Variants in SYT14 observed in about 807,000 individuals in gnomAD.
The protein encoded by SYT14 is synaptotagmin 14, also known as synaptotagmin-14.
Under a neutral mutation model 74.2 loss-of-function variants are expected in SYT14, and 32 were observed. That is an observed-to-expected ratio of 0.43 (90% CI 0.33 to 0.58). The LOEUF (loss-of-function observed/expected upper bound fraction) is 0.58. Ranked by LOEUF, SYT14 falls within the 20% of genes least tolerant of loss-of-function variation. SYT14 has a pLI of 0.05. For missense variants in SYT14, 791 were observed against 981.8 expected (o/e 0.81, Z 2.60); for synonymous variants, 298 against 337.7 (o/e 0.88, Z 1.29).
At chr1:209,959,261 G>C (rs2079040391) in intron 2 of SYT14, among the ~76,000 whole-genome samples, 1 of 152,058 alleles carries the variant, frequency 6.6e-6, no homozygotes, top group African/African-American at 2.4e-5. Flanking sequence ...TCATGCCTCA[G>C]CCTCCTGAGT....
At chr1:210,144,057 C>T (rs1421260813) in intron 7 of SYT14, among the ~76,000 whole-genome samples, 1 of 152,148 alleles carries the variant, frequency 6.6e-6, no homozygotes, top group East Asian at 1.9e-4. Flanking sequence ...ATAAACTCAA[C>T]TGTCTTACTC....
chr1:210,095,202 G>A (rs1181372402), intron 6 of SYT14, among the ~76,000 whole-genome samples: 1 of 152,070 alleles, frequency 6.6e-6, no homozygotes, highest in Non-Finnish European at 1.5e-5. Flanking sequence ...TTGTTTTAAT[G>A]TTTCTGTCAT....
intron 7 of SYT14, among the ~76,000 whole-genome samples, chr1:210,139,271 T>C (rs1017399195): frequency 9.0e-5 from 12 of 133,056 alleles, no homozygotes; most frequent in Admixed American, 3.0e-4. Flanking sequence ...TTTTCTTTTT[T>C]TTTTTTTTTT....
At chr1:210,059,427 AATATATATATAT>A (rs374307953) in intron 5 of SYT14, among the ~76,000 whole-genome samples, 6 of 80,030 alleles carry the variant, frequency 7.5e-5, no homozygotes, top group Non-Finnish European at 1.3e-4. Flanking sequence ...GACAAGAAAG[AATATATATATAT>A]ATATATATAT....
intron 4 of SYT14, chr1:210,017,184 C>T (rs1445435209): frequency 2.1e-6 from 2 of 964,888 alleles, no homozygotes; most frequent in Non-Finnish European, 2.7e-6. Flanking sequence ...AATTTCTCAG[C>T]TTTCCTGTTC....
At chr1:210,139,732 T>C (rs2082876700) in intron 7 of SYT14, among the ~76,000 whole-genome samples, 1 of 152,198 alleles carries the variant, frequency 6.6e-6, no homozygotes, top group African/African-American at 2.4e-5. Context: ...AATCATACAA[T>C]ATGTGGCCTT....
At chr1:209,986,014 C>G (rs1160256731) in intron 2 of SYT14, among the ~76,000 whole-genome samples, 4 of 152,176 alleles carry the variant, frequency 2.6e-5, no homozygotes, top group South Asian at 2.1e-4. Context: ...GTTGGAAGGG[C>G]TGCCATGAAG....
chr1:210,004,081 C>T (rs2079948495), intron 2 of SYT14, among the ~76,000 whole-genome samples: 1 of 151,940 alleles, frequency 6.6e-6, no homozygotes, highest in South Asian at 2.1e-4. Context: ...AAACATTATA[C>T]TGCTGATTTC....
At chr1:209,993,355 G>T (rs541246614) in intron 2 of SYT14, among the ~76,000 whole-genome samples, 1 of 152,302 alleles carries the variant, frequency 6.6e-6, no homozygotes, top group Admixed American at 6.5e-5. Context: ...TAGCCTGAGT[G>T]CATTGTTTCA....
At position 209,947,155 on chromosome 1, in the gene SYT14, A is replaced by T. The variant is rs184389539; in HGVS notation, c.-533-5554A>T. ...AGCTCTGATGGAGACGTACAAGGAG[A>T]TGAAGGTTGTTTTCATGCCTGCTAA... On this transcript the variant is annotated intron_variant, in intron 1 of 9. Coordinates refer to ENST00000637265, the Ensembl canonical transcript of SYT14. 6.2e-3 allele frequency among the ~76,000 whole-genome samples: 951 copies of T among 152,326 alleles called. 4 individuals carry two copies. Among genetic ancestry groups the T allele is most frequent in the Non-Finnish European group, 0.011 (768 of 68,038 alleles).
chr1:209,993,874 C>T (rs2079738832), intron 2 of SYT14, among the ~76,000 whole-genome samples: 1 of 152,174 alleles, frequency 6.6e-6, no homozygotes, highest in Non-Finnish European at 1.5e-5. Context: ...TAAGTGCCAG[C>T]TACTGGATTG....
chr1:210,149,768 C>T (rs1425998374), intron 7 of SYT14, among the ~76,000 whole-genome samples: 3 of 152,152 alleles, frequency 2.0e-5, no homozygotes, highest in African/African-American at 7.2e-5. Flanking sequence ...ACCATCTTTT[C>T]ATCTTCCTTG....
chr1:209,975,684 G>C (rs2079348690), intron 2 of SYT14, among the ~76,000 whole-genome samples: 1 of 152,078 alleles, frequency 6.6e-6, no homozygotes, highest in African/African-American at 2.4e-5. Context: ...TTGTGTCTCT[G>C]CCAGGCTTTG....
At chr1:210,076,143 C>A (rs1042854315) in intron 5 of SYT14, among the ~76,000 whole-genome samples, 3 of 152,034 alleles carry the variant, frequency 2.0e-5, no homozygotes, top group African/African-American at 7.2e-5. Context: ...ATCTCAGAGA[C>A]AAGTAGGAGA....
At chr1:209,948,344 G>A (rs1465136004) in intron 1 of SYT14, among the ~76,000 whole-genome samples, 2 of 152,096 alleles carry the variant, frequency 1.3e-5, no homozygotes, top group Non-Finnish European at 2.9e-5. Flanking sequence ...AAACACACAT[G>A]CACACAATCA....
intron 2 of SYT14, among the ~76,000 whole-genome samples, chr1:209,971,518 G>A (rs2079256390): frequency 6.6e-6 from 1 of 152,106 alleles, no homozygotes; most frequent in Non-Finnish European, 1.5e-5. Flanking sequence ...TTGGCTATGG[G>A]TTTGTCATAG....
intron 2 of SYT14, among the ~76,000 whole-genome samples, chr1:209,966,365 A>G (rs1237898702): frequency 1.3e-5 from 2 of 152,206 alleles, no homozygotes; most frequent in African/African-American, 4.8e-5. Flanking sequence ...CAATTTCTAC[A>G]AAATAGCCTG....
At chr1:210,157,158 G>C (rs1439867055) in intron 8 of SYT14, among the ~76,000 whole-genome samples, 2 of 152,038 alleles carry the variant, frequency 1.3e-5, no homozygotes, top group African/African-American at 4.8e-5. Flanking sequence ...TTATAGGAGG[G>C]GGTCCAGGCG....
intron 7 of SYT14, among the ~76,000 whole-genome samples, chr1:210,112,428 G>T (rs1233698671): frequency 3.2e-4 from 48 of 151,464 alleles, no homozygotes; most frequent in Non-Finnish European, 1.5e-5. Flanking sequence ...AAGAGGTTAT[G>T]AAATAATGAC....
Sources: gnomAD v4.1 joint callset for allele counts (sites outside exome capture counted in the v4.1 genomes callset) on GRCh38, gnomAD v4.1.1 for gene constraint, MANE v1.5 for transcripts, NCBI Gene and HGNC (gene_info 2026-07-23, HGNC 2026-07-21) for gene names.